FOXP2: variants seen among roughly 807,000 people sequenced by gnomAD.
FOXP2 encodes forkhead box protein P2.
A neutral mutation model predicts 115.8 loss-of-function variants in FOXP2; 12 were observed. That is an observed-to-expected ratio of 0.10 (90% confidence interval 0.07 to 0.17). FOXP2 has a LOEUF of 0.17. Among genes scored for constraint, FOXP2 ranks in the 10% least tolerant of loss-of-function variants. The pLI, the probability that FOXP2 is intolerant of heterozygous loss-of-function variation, is 1.00. For synonymous variants in FOXP2, 328 were observed against 297.7 expected (o/e 1.10, Z -1.05); for missense variants, 629 against 843.5 (o/e 0.75, Z 3.15).
rs146633183 is a variant in FOXP2 at position 114,156,183 on chromosome 7, A to G, written c.-246-6761A>G. Among the ~76,000 whole-genome samples the G allele has an allele frequency of 6.5e-3, 985 of 152,196 alleles. 1 individual carries two copies. The highest frequency in any genetic ancestry group is 0.017 in the Middle Eastern group (5 of 294). ...TGATCACCAGTTTTAGTTTTTTTCT[A>G]TCAGGAGACTGCCTTTTCCTGGTGC... On this transcript the variant is annotated intron_variant, in intron 1 of 19. Coordinates refer to the FOXP2 transcript ENST00000635638.
chr7:114,333,664 A>G (rs1281039981), intron 2 of FOXP2, among the ~76,000 whole-genome samples: 5 of 152,216 alleles, frequency 3.3e-5, no homozygotes, highest in African/African-American at 1.2e-4. Context: ...AGGTGGGCAG[A>G]TCATTTGAGG....
At chr7:114,653,862 A>G (rs969970612) in intron 9 of FOXP2, 64 bp from the exon 10 acceptor site, 2 of 1,451,438 alleles carry the variant, frequency 1.4e-6, no homozygotes, top group South Asian at 2.3e-5. Context: ...AAGATGTATC[A>G]CTGCAATAAA....
chr7:114,203,660 T>A lies in FOXP2; in HGVS notation c.-102+40572T>A, dbSNP rs535923025. ...TGCCTGGCAGCACCTGGCAACACCTTTTGAATAAAGGCCAAATGCTCTGTT... is the reference window on the plus strand; with the variant it reads ...TGCCTGGCAGCACCTGGCAACACCTATTGAATAAAGGCCAAATGCTCTGTT... On this transcript the variant is annotated intron_variant, in intron 1 of 17. Coordinates refer to the FOXP2 transcript ENST00000634411. Among the ~76,000 whole-genome samples, 4 of 152,236 alleles carry A rather than the reference T, an allele frequency of 2.6e-5. No homozygotes were observed. The East Asian group carries it at 7.7e-4, about 29-fold the overall frequency.
intron 3 of FOXP2, among the ~76,000 whole-genome samples, chr7:114,584,566 G>C (rs554461213): frequency 1.3e-5 from 2 of 152,064 alleles, no homozygotes; most frequent in African/African-American, 4.8e-5. Flanking sequence ...ACACTTACTT[G>C]ACATTCTTTA....
At chr7:114,573,995 T>C (rs1801449313) in intron 3 of FOXP2, among the ~76,000 whole-genome samples, 1 of 151,816 alleles carries the variant, frequency 6.6e-6, no homozygotes, top group Non-Finnish European at 1.5e-5. Flanking sequence ...TTCTGGTGTC[T>C]TGGCTTATTG....
At chr7:114,596,058 C>T (rs1802682590) in intron 3 of FOXP2, among the ~76,000 whole-genome samples, 2 of 152,032 alleles carry the variant, frequency 1.3e-5, no homozygotes, top group Non-Finnish European at 2.9e-5. Flanking sequence ...GAACAGGTCA[C>T]GCTGAGTCTC....
chr7:114,678,547 C>CTT (rs35525759), intron 16 of FOXP2, among the ~76,000 whole-genome samples: 7,917 of 47,888 alleles, frequency 0.17, 2,227 homozygotes, highest in Non-Finnish European at 0.27. Context: ...ATAAGTGACT[C>CTT]TTTTTTTTTT....
chr7:114,675,421 G>A (rs1015411147), intron 16 of FOXP2, among the ~76,000 whole-genome samples: 6 of 152,058 alleles, frequency 3.9e-5, no homozygotes, highest in Non-Finnish European at 4.4e-5. Context: ...GAAAACAAAA[G>A]TTAAGCTCAG....
chr7:114,370,579 G>GTTAGGCATTACCAATTTACC (rs750898064), intron 2 of FOXP2, among the ~76,000 whole-genome samples: 16 of 152,188 alleles, frequency 1.1e-4, no homozygotes, highest in Non-Finnish European at 2.1e-4. Context: ...TGTAAAGCAA[G>GTTAGGCATTACCAATTTACC]AGAACATGGA....
At chr7:114,280,043 G>T (rs996754631) in intron 1 of FOXP2, among the ~76,000 whole-genome samples, 2 of 151,374 alleles carry the variant, frequency 1.3e-5, no homozygotes, top group East Asian at 3.9e-4. Flanking sequence ...TTCTTTGCTG[G>T]TTTTTTCTAA....
At chr7:114,334,547 C>T (rs1345647460) in intron 2 of FOXP2, among the ~76,000 whole-genome samples, 1 of 150,594 alleles carries the variant, frequency 6.6e-6, no homozygotes, top group Admixed American at 6.6e-5. Context: ...AAAGTAACTC[C>T]TGACAAATCT....
intron 2 of FOXP2, among the ~76,000 whole-genome samples, chr7:114,364,361 C>T (rs1159523840): frequency 6.6e-6 from 1 of 152,088 alleles, no homozygotes. Context: ...CTCACCCCAG[C>T]CAGCTGGCTG....
At chr7:114,391,180 T>A (rs1009424073) in intron 2 of FOXP2, among the ~76,000 whole-genome samples, 26 of 149,194 alleles carry the variant, frequency 1.7e-4, no homozygotes, top group African/African-American at 6.2e-4. Context: ...AGAGCAAGAC[T>A]CCATCTCAGG....
At chr7:114,686,085 C>A (rs1278372321) in intron 16 of FOXP2, among the ~76,000 whole-genome samples, 1 of 151,702 alleles carries the variant, frequency 6.6e-6, no homozygotes, top group Non-Finnish European at 1.5e-5. Flanking sequence ...AATATACTTT[C>A]ATATATGTAG....
intron 3 of FOXP2, among the ~76,000 whole-genome samples, chr7:114,594,038 C>G (rs1802572140): frequency 6.6e-6 from 1 of 151,732 alleles, no homozygotes; most frequent in African/African-American, 2.4e-5. Flanking sequence ...AGATTTCTTT[C>G]AAAAAGCCAA....
chr7:114,183,356 T>C (rs1222554210), intron 1 of FOXP2, among the ~76,000 whole-genome samples: 3 of 152,148 alleles, frequency 2.0e-5, no homozygotes, highest in South Asian at 4.1e-4. Context: ...TATTAAACTG[T>C]CAGTTAAACA....
chr7:114,498,471 C>A (rs1363368020), intron 2 of FOXP2, among the ~76,000 whole-genome samples: 1 of 151,992 alleles, frequency 6.6e-6, no homozygotes, highest in East Asian at 1.9e-4. Flanking sequence ...TACAATACAG[C>A]CTGGTTAAGT....
At chr7:114,473,146 T>C (rs1796119293) in intron 2 of FOXP2, among the ~76,000 whole-genome samples, 1 of 152,260 alleles carries the variant, frequency 6.6e-6, no homozygotes, top group African/African-American at 2.4e-5. Context: ...CATGTATTCA[T>C]ACCTATTCGA....
At chr7:114,580,162 A>G (rs1801775070) in intron 3 of FOXP2, among the ~76,000 whole-genome samples, 1 of 152,254 alleles carries the variant, frequency 6.6e-6, no homozygotes, top group African/African-American at 2.4e-5. Context: ...AGAGCAATAG[A>G]AAGCAGTCAC....
Sources: gnomAD v4.1 joint callset for allele counts (sites outside exome capture counted in the v4.1 genomes callset) on GRCh38, gnomAD v4.1.1 for gene constraint, MANE v1.5 for transcripts, NCBI Gene and HGNC (gene_info 2026-07-23, HGNC 2026-07-21) for gene names.